Variants in PDE12 observed in about 807,000 individuals in gnomAD.
The protein encoded by PDE12 is phosphodiesterase 12.
A neutral mutation model predicts 45.4 loss-of-function variants in PDE12; 26 were observed. That is an observed-to-expected ratio of 0.57 (90% confidence interval 0.42 to 0.79). The LOEUF (loss-of-function observed/expected upper bound fraction) is 0.79, where lower values mean the gene tolerates loss of function less well. Ranked by LOEUF, PDE12 falls within the 30% of genes least tolerant of loss-of-function variation. PDE12 has a pLI of 0.00. For missense variants in PDE12, 668 were observed against 790.0 expected, an observed-to-expected ratio of 0.85 and a Z score of 1.85; for synonymous variants, 283 against 323.9, an observed-to-expected ratio of 0.87 and a Z score of 1.36.
chr3:57,607,209 C>G, the PDE12 span, among the ~76,000 whole-genome samples: 1 of 152,036 alleles, frequency 6.6e-6, no homozygotes, highest in Admixed American at 6.6e-5. Context: ...GGAAAACTAA[C>G]AAACAGGACA....
At chr3:57,595,790 T>G in the PDE12 span, among the ~76,000 whole-genome samples, 1 of 151,780 alleles carries the variant, frequency 6.6e-6, no homozygotes, top group African/African-American at 2.4e-5. Flanking sequence ...TCTCTACTAA[T>G]AATACAAAAA....
At chr3:57,647,575 C>A in the PDE12 span, among the ~76,000 whole-genome samples, 1 of 152,142 alleles carries the variant, frequency 6.6e-6, no homozygotes, top group Non-Finnish European at 1.5e-5. Context: ...GAAGCACAGA[C>A]AGGTAGCCTG....
At position 57,562,364 on chromosome 3, in the gene PDE12, A is replaced by T. The variant is rs2153407649; in HGVS notation, c.*2360A>T. On this transcript the variant is annotated 3_prime_UTR_variant, in exon 3 of 3. Coordinates refer to ENST00000311180, the MANE Select transcript of PDE12 (RefSeq NM_177966.7). The stretch of plus-strand genomic sequence containing the variant: ...GCATTTCACATTATTAGGACATGGA[A>T]TGTTATTGTGAAGTGCCATATACTG... 1 of 152,838 alleles carries T rather than the reference A, an allele frequency of 6.5e-6. No individual in the cohort carries two copies. Among genetic ancestry groups the T allele is most frequent in the Non-Finnish European group, 1.5e-5 (1 of 68,512 alleles). The allele number at this position is 152,838 out of a possible 1,614,324, so 9.5% of individuals were successfully genotyped here. A position where few individuals can be genotyped will look rare whatever the true frequency, so the allele number is the denominator to read the frequency against.
the PDE12 span, among the ~76,000 whole-genome samples, chr3:57,577,139 T>C: frequency 6.6e-6 from 1 of 152,054 alleles, no homozygotes; most frequent in Non-Finnish European, 1.5e-5. Flanking sequence ...AAACGCTCTA[T>C]AAGAGATTTT....
At chr3:57,602,138 A>G in the PDE12 span, among the ~76,000 whole-genome samples, 2 of 152,162 alleles carry the variant, frequency 1.3e-5, no homozygotes, top group African/African-American at 2.4e-5. Context: ...GTTACTGAGC[A>G]CTTACAATAT....
chr3:57,591,948 G>A, the PDE12 span, among the ~76,000 whole-genome samples: 48 of 152,236 alleles, frequency 3.2e-4, no homozygotes, highest in Non-Finnish European at 6.5e-4. Flanking sequence ...TTCTTTGAGG[G>A]ATGATGAAAA....
At chr3:57,614,056 A>G in the PDE12 span, among the ~76,000 whole-genome samples, 1 of 152,170 alleles carries the variant, frequency 6.6e-6, no homozygotes, top group East Asian at 1.9e-4. Flanking sequence ...TAAAGAATAC[A>G]TGAATCCACA....
chr3:57,592,849 GA>G, the PDE12 span, among the ~76,000 whole-genome samples: 1 of 152,060 alleles, frequency 6.6e-6, no homozygotes, highest in African/African-American at 2.4e-5. Context: ...AAATCAAAAA[GA>G]GAGGACACAA....
chr3:57,592,670 T>C, the PDE12 span, among the ~76,000 whole-genome samples: 2 of 152,150 alleles, frequency 1.3e-5, no homozygotes, highest in South Asian at 2.1e-4. Context: ...ACTACTATAA[T>C]AATGCAAAAG....
At position 57,560,082 on chromosome 3, in the gene PDE12, A is replaced by G; in HGVS notation, c.*78A>G. 5 of 1,510,016 alleles carry G rather than the reference A, an allele frequency of 3.3e-6. No homozygotes were observed. Among genetic ancestry groups the G allele is most frequent in the Non-Finnish European group, 4.4e-6 (5 of 1,138,982 alleles). The allele number at this position is 1,510,016 out of a possible 1,614,324, so 93.5% of individuals were successfully genotyped here. On this transcript the variant is annotated 3_prime_UTR_variant, in exon 3 of 3. Transcript: ENST00000311180. ...AAATTTAATATGAATCAAAGCTTATATGTAAACTTCAAGGAGGAATGGTAA... is the reference window on the plus strand; with the variant it reads ...AAATTTAATATGAATCAAAGCTTATGTGTAAACTTCAAGGAGGAATGGTAA...
the PDE12 span, among the ~76,000 whole-genome samples, chr3:57,576,712 G>T: frequency 2.2e-3 from 330 of 152,128 alleles, 1 homozygote; most frequent in Admixed American, 3.4e-3. Flanking sequence ...ATTCTCAGCA[G>T]TCTTCCTCCA....
chr3:57,590,822 G>C, the PDE12 span, among the ~76,000 whole-genome samples: 2 of 152,048 alleles, frequency 1.3e-5, no homozygotes, highest in Non-Finnish European at 2.9e-5. Context: ...GGGTCTACAG[G>C]GGCACGCCAC....
the PDE12 span, among the ~76,000 whole-genome samples, chr3:57,642,042 C>T: frequency 1.1e-4 from 16 of 152,150 alleles, 1 homozygote; most frequent in South Asian, 2.9e-3. Flanking sequence ...TAGCCGAGCG[C>T]GGTGATTCAC....
At chr3:57,612,769 C>CA in the PDE12 span, among the ~76,000 whole-genome samples, 43,529 of 97,284 alleles carry the variant, frequency 0.45, 7,855 homozygotes, top group East Asian at 0.62. Flanking sequence ...GAGTCCACCT[C>CA]AAAAAAAAAA....
chr3:57,644,592 G>C, the PDE12 span, among the ~76,000 whole-genome samples: 2 of 149,626 alleles, frequency 1.3e-5, no homozygotes, highest in East Asian at 2.0e-4. Context: ...ACAGGCATGG[G>C]CCATCACGAC....
At chr3:57,642,458 A>G in the PDE12 span, among the ~76,000 whole-genome samples, 1 of 152,016 alleles carries the variant, frequency 6.6e-6, no homozygotes, top group Non-Finnish European at 1.5e-5. Context: ...TGGATGAGAG[A>G]GGGAAGAGTG....
chr3:57,638,991 G>A, the PDE12 span, among the ~76,000 whole-genome samples: 2 of 152,076 alleles, frequency 1.3e-5, no homozygotes, highest in African/African-American at 4.8e-5. Context: ...CCAGCTACTC[G>A]GGAGGCTGAG....
At chr3:57,650,994 G>A in the PDE12 span, among the ~76,000 whole-genome samples, 1 of 152,094 alleles carries the variant, frequency 6.6e-6, no homozygotes, top group Admixed American at 6.6e-5. Context: ...ATGCCAGTCA[G>A]ACTGGTCTCG....
At chr3:57,604,623 GGGT>G in the PDE12 span, among the ~76,000 whole-genome samples, 856 of 78,764 alleles carry the variant, frequency 0.011, 146 homozygotes, top group Non-Finnish European at 0.017. Context: ...TTTTTGGGGG[GGGT>G]GGGTGGGACA....
Sources: allele counts gnomAD v4.1 joint callset (sites outside exome capture counted in the v4.1 genomes callset), GRCh38; gene constraint gnomAD v4.1.1; transcripts MANE v1.5; gene names NCBI Gene and HGNC (gene_info 2026-07-23, HGNC 2026-07-21).